SCG5: variants seen among roughly 807,000 people sequenced by gnomAD.
SCG5 encodes neuroendocrine protein 7B2.
In SCG5, 18 loss-of-function variants were observed where a neutral mutation model predicts 25.7. The observed-to-expected ratio is 0.70, with a 90% CI of 0.48 to 1.04. The LOEUF is 1.04. SCG5 is among the 50% of genes least tolerant of loss of function. The pLI, the probability that SCG5 is intolerant of heterozygous loss-of-function variation, is 0.00. For missense variants in SCG5, 206 were observed against 259.8 expected (o/e 0.79, Z 1.42); for synonymous variants, 101 against 91.7 (o/e 1.10, Z -0.58).
At chr15:32,678,485 T>A (rs1433957332) in intron 2 of SCG5, among the ~76,000 whole-genome samples, 1 of 152,190 alleles carries the variant, frequency 6.6e-6, no homozygotes, top group Non-Finnish European at 1.5e-5. Context: ...ACAGTAATTT[T>A]AAAAAATTTG....
At chr15:32,685,817 T>G (rs2054699021) in intron 4 of SCG5, among the ~76,000 whole-genome samples, 1 of 152,224 alleles carries the variant, frequency 6.6e-6, no homozygotes, top group South Asian at 2.1e-4. Context: ...GTCTGTGGAA[T>G]GAATGAGTGA....
intron 2 of SCG5, among the ~76,000 whole-genome samples, chr15:32,657,990 C>T (rs2054153371): frequency 6.6e-6 from 1 of 152,170 alleles, no homozygotes; most frequent in Non-Finnish European, 1.5e-5. Flanking sequence ...CCCCTTACTT[C>T]CCACTCCCTT....
chr15:32,689,156 T>C (rs570228734), intron 4 of SCG5, among the ~76,000 whole-genome samples: 1 of 152,274 alleles, frequency 6.6e-6, no homozygotes, highest in African/African-American at 2.4e-5. Context: ...CTAGTTGACA[T>C]TCTATTCTAA....
At position 32,697,046 on chromosome 15, in the gene SCG5, C is replaced by T. The variant is rs11550873; in HGVS notation, c.*437C>T. On this transcript the variant is annotated 3_prime_UTR_variant, in exon 6 of 6. Transcript: ENST00000300175. ...AGAAGGCTGTACTCAAGAGGAGGAG[C>T]TGACACATTTCACTTGGCTGCGTCT... is the stretch of plus-strand genomic sequence containing the variant. 5,808 of 154,056 alleles carry T rather than the reference C, an allele frequency of 0.038. 362 individuals carry two copies. The highest frequency in any genetic ancestry group is 0.13 in the African/African-American group (5,466 of 41,590). The allele number at this position is 154,056 out of a possible 1,614,324, so 9.5% of individuals were successfully genotyped here. A position where few individuals can be genotyped will look rare whatever the true frequency, so the allele number is the denominator to read the frequency against.
intron 2 of SCG5, among the ~76,000 whole-genome samples, chr15:32,667,353 G>A (rs375838471): frequency 6.7e-6 from 1 of 149,974 alleles, no homozygotes; most frequent in African/African-American, 2.4e-5. Context: ...GATAAGTTTG[G>A]TGTTTTTATG....
chr15:32,686,859 C>T (rs777280097), intron 4 of SCG5, among the ~76,000 whole-genome samples: 7 of 152,090 alleles, frequency 4.6e-5, no homozygotes, highest in East Asian at 1.9e-4. Flanking sequence ...AACTTAGCAC[C>T]GCTCCACTTC....
intron 2 of SCG5, among the ~76,000 whole-genome samples, chr15:32,645,941 C>A (rs544747183): frequency 6.6e-6 from 1 of 152,284 alleles, no homozygotes; most frequent in African/African-American, 2.4e-5. Flanking sequence ...CTGCCTCAGC[C>A]TCCTGAGTAG....
chr15:32,651,389 G>T (rs748706354), intron 2 of SCG5, among the ~76,000 whole-genome samples: 13 of 152,198 alleles, frequency 8.5e-5, no homozygotes, highest in Non-Finnish European at 1.3e-4. Flanking sequence ...CTTTGGCCTT[G>T]GTAAAGGAGC....
At chr15:32,678,387 A>T (rs1228097726) in intron 2 of SCG5, among the ~76,000 whole-genome samples, 1 of 152,242 alleles carries the variant, frequency 6.6e-6, no homozygotes, top group African/African-American at 2.4e-5. Flanking sequence ...AAGAGCATAA[A>T]CAAACAGCTC....
chr15:32,669,600 G>A (rs953840596), intron 2 of SCG5, among the ~76,000 whole-genome samples: 6 of 152,150 alleles, frequency 3.9e-5, no homozygotes, highest in Admixed American at 6.5e-5. Flanking sequence ...TTGCCAAGTT[G>A]AGACTTCATT....
At chr15:32,650,988 A>C (rs1253335889) in intron 2 of SCG5, among the ~76,000 whole-genome samples, 2 of 152,202 alleles carry the variant, frequency 1.3e-5, no homozygotes, top group Non-Finnish European at 2.9e-5. Flanking sequence ...ACCTGAGGTC[A>C]GAAGTTCGAG....
chr15:32,643,567 T>G lies in SCG5; in HGVS notation c.-7-19T>G. 3.9e-6 allele frequency: 6 copies of G among 1,545,734 alleles called. No homozygotes were observed. The highest frequency in any genetic ancestry group is 2.2e-5 in the East Asian group (1 of 44,508). On this transcript the variant is annotated intron_variant, in intron 1 of 5. Coordinates refer to ENST00000300175, the MANE Select transcript of SCG5 (RefSeq NM_001144757.3). ...GCCGATTGTAGCCTATCAGTATACA[T>G]TTGGTCTTTTATCTGCAGGTTGACA...
intron 2 of SCG5, among the ~76,000 whole-genome samples, chr15:32,671,559 C>T (rs1229746544): frequency 3.9e-5 from 6 of 152,054 alleles, no homozygotes; most frequent in Non-Finnish European, 8.8e-5. Context: ...GAGACAATAG[C>T]GTGTGGTGGA....
intron 2 of SCG5, among the ~76,000 whole-genome samples, chr15:32,666,685 C>T (rs1352263251): frequency 6.6e-6 from 1 of 152,216 alleles, no homozygotes; most frequent in Non-Finnish European, 1.5e-5. Context: ...CCCTAGCTAA[C>T]ATTTATTAAG....
intron 5 of SCG5, among the ~76,000 whole-genome samples, chr15:32,693,589 C>G (rs28494912): frequency 0.16 from 24,587 of 152,088 alleles, 2,989 homozygotes; most frequent in East Asian, 0.6. Flanking sequence ...GTACATGAAT[C>G]AATATAAAGA....
intron 2 of SCG5, 72 bp from the exon 3 acceptor site, chr15:32,679,694 A>T: frequency 6.6e-7 from 1 of 1,513,798 alleles, no homozygotes; most frequent in Non-Finnish European, 9.1e-7. Flanking sequence ...TTCCTGTGTG[A>T]TATGCCTGAA....
rs147237492 is a variant in SCG5, at chr15:32,687,900, C to T, written c.489+3231C>T. On this transcript the variant is annotated intron_variant, in intron 4 of 5. Coordinates refer to ENST00000300175, the MANE Select transcript of SCG5 (RefSeq NM_001144757.3). ...ATAATAGTAATTGTATTACATAATA[C>T]ATAATACTATATAATACAATAGTAA... is the stretch of plus-strand genomic sequence containing the variant. Among the ~76,000 whole-genome samples, 193 of 152,286 alleles carry T rather than the reference C, an allele frequency of 1.3e-3. 1 individual carries two copies. In the South Asian group the frequency reaches 0.016, roughly 12 times the overall value.
intron 2 of SCG5, chr15:32,656,034 C>T (rs901210371): frequency 7.2e-5 from 11 of 152,164 alleles, no homozygotes; most frequent in African/African-American, 2.7e-4. Flanking sequence ...GGGTGTTGGA[C>T]ATGGAGACAA....
At chr15:32,658,047 A>G (rs2054154434) in intron 2 of SCG5, among the ~76,000 whole-genome samples, 1 of 152,146 alleles carries the variant, frequency 6.6e-6, no homozygotes, top group African/African-American at 2.4e-5. Context: ...CCAGAGGTGT[A>G]AGAATAACCA....
Sources: allele counts gnomAD v4.1 joint callset (sites outside exome capture counted in the v4.1 genomes callset), GRCh38; gene constraint gnomAD v4.1.1; transcripts MANE v1.5; gene names NCBI Gene and HGNC (gene_info 2026-07-23, HGNC 2026-07-21).